FYB1: variants seen among roughly 807,000 people sequenced by gnomAD.
FYB1 encodes FYN binding protein 1, also known as FYN-binding protein 1.
Under a neutral mutation model 94.1 loss-of-function variants are expected in FYB1, and 41 were observed. The observed-to-expected ratio is 0.44, with a 90% CI of 0.34 to 0.57. The LOEUF (loss-of-function observed/expected upper bound fraction) is 0.57, where lower values mean the gene tolerates loss of function less well. Among genes scored for constraint, FYB1 ranks in the 20% least tolerant of loss-of-function variants. The probability of loss-of-function intolerance (pLI) is 0.02; values close to 1 mark genes in which losing one functional copy is unlikely to be tolerated. For missense variants in FYB1, 1,050 were observed against 976.8 expected (o/e 1.07, Z -1.00); for synonymous variants, 367 against 353.2 (o/e 1.04, Z -0.44).
intron 1 of FYB1, among the ~76,000 whole-genome samples, chr5:39,272,500 T>TA (rs33922266): frequency 2.8e-4 from 40 of 145,008 alleles, no homozygotes; most frequent in African/African-American, 7.1e-4. Context: ...CCGTCTCTAC[T>TA]AAAAAAAAAA....
chr5:39,245,467 T>C (rs543806122), intron 1 of FYB1, among the ~76,000 whole-genome samples: 7 of 152,312 alleles, frequency 4.6e-5, no homozygotes, highest in African/African-American at 1.7e-4. Flanking sequence ...TAGCTGAGAA[T>C]TCACTATTGT....
chr5:39,111,463 T>C (rs1416645505), intron 16 of FYB1, among the ~76,000 whole-genome samples: 3 of 151,922 alleles, frequency 2.0e-5, no homozygotes, highest in African/African-American at 7.2e-5. Context: ...ATTGATGTCA[T>C]ATTGCCAATG....
Position 39,126,866 on chromosome 5 carries a change from C to G in FYB1, c.1908-731G>C, listed in dbSNP as rs1320311682. On this transcript the variant is annotated intron_variant, in intron 11 of 18. Transcript: ENST00000512982. ...CCGAGATCAGAAGTTCGAGACCAGC[C>G]TGACCAACATGGAGAAAACCCGTCT... is the stretch of plus-strand genomic sequence containing the variant. Among the ~76,000 whole-genome samples the G allele has an allele frequency of 4.0e-5, 6 of 151,546 alleles. No homozygotes were observed. In the East Asian group the frequency reaches 9.7e-4, roughly 24 times the overall value.
chr5:39,122,527 G>C, intron 13 of FYB1, 125 bp from the exon 14 acceptor site: 1 of 566,896 alleles, frequency 1.8e-6, no homozygotes, highest in Non-Finnish European at 3.1e-6. Flanking sequence ...CTAGTGTCTC[G>C]GTAAATTTCT....
chr5:39,114,829 C>T (rs1234727457), intron 16 of FYB1, among the ~76,000 whole-genome samples: 2 of 152,240 alleles, frequency 1.3e-5, no homozygotes, highest in Non-Finnish European at 2.9e-5. Flanking sequence ...CATTGTGTAA[C>T]GTGCTGACAT....
intron 2 of FYB1, among the ~76,000 whole-genome samples, chr5:39,188,146 C>G (rs910052137): frequency 6.6e-6 from 1 of 152,098 alleles, no homozygotes. Flanking sequence ...CCTCAGGAAC[C>G]CTTGGACCTC....
intron 2 of FYB1, among the ~76,000 whole-genome samples, chr5:39,154,585 C>A (rs570100104): frequency 1.9e-3 from 287 of 151,568 alleles, no homozygotes; most frequent in African/African-American, 6.7e-3. Context: ...CGGCTCACTG[C>A]AACCTCTGCC....
intron 2 of FYB1, among the ~76,000 whole-genome samples, chr5:39,191,187 C>T (rs1453669637): frequency 2.6e-5 from 4 of 152,300 alleles, no homozygotes; most frequent in East Asian, 3.9e-4. Flanking sequence ...TGTAACTAAT[C>T]ATATCGCCAC....
At position 39,247,962 on chromosome 5, in the gene FYB1, C is replaced by A. The variant is rs78770566; in HGVS notation, c.-28+26441G>T. Among the ~76,000 whole-genome samples the A allele has an allele frequency of 1.2e-4, 18 of 150,922 alleles. No individual in the cohort carries two copies. The East Asian group carries it at 3.5e-3, about 29-fold the overall frequency. On this transcript the variant is annotated intron_variant, in intron 1 of 1. Coordinates refer to the FYB1 transcript ENST00000510188. ...TTCTTTGAGGTCTTAGGAATTTGCT[C>A]CAGCAGTTTAGAAAGAGTCAAAGCA...
At chr5:39,224,836 C>G (rs1187369783) in intron 1 of FYB1, among the ~76,000 whole-genome samples, 1 of 152,150 alleles carries the variant, frequency 6.6e-6, no homozygotes, top group Non-Finnish European at 1.5e-5. Context: ...CAACCTCTTT[C>G]CTCTAACCTG....
At chr5:39,139,098 A>G (rs1741917758) in intron 5 of FYB1, 135 bp downstream of exon 5, 2 of 943,620 alleles carry the variant, frequency 2.1e-6, no homozygotes, top group Non-Finnish European at 3.0e-6. Context: ...AGATGAAATA[A>G]GATTAGAAAT....
chr5:39,151,809 G>A (rs1047616667), intron 3 of FYB1, among the ~76,000 whole-genome samples: 2 of 152,180 alleles, frequency 1.3e-5, no homozygotes, highest in Non-Finnish European at 2.9e-5. Flanking sequence ...GGGAATGTTT[G>A]GGAAATACTC....
Position 39,202,721 on chromosome 5 carries a change from G to T in FYB1, c.240C>A (p.Pro80=). The change falls in exon 2 of 19, where the codon CCC becomes CCA. Residue 80 remains proline (P), a synonymous_variant. Transcript: ENST00000512982. ...CTGCTCCAGTGGGCTTTAGAAACGG[G>T]GGCTTGGGTTCCTTGTCAGGCTTTT... The part of the protein sequence containing the change: ...SEEKPDKEPK[P]PFLKPTGAGQ... 6.2e-7 allele frequency: 1 copy of T among 1,613,952 alleles called. No homozygotes were observed. Among genetic ancestry groups the T allele is most frequent in the Non-Finnish European group, 8.5e-7 (1 of 1,179,872 alleles).
At chr5:39,249,545 A>G (rs868026776) in intron 1 of FYB1, among the ~76,000 whole-genome samples, 3 of 152,180 alleles carry the variant, frequency 2.0e-5, no homozygotes, top group African/African-American at 7.2e-5. Flanking sequence ...ACATAATTAG[A>G]AAGACCATTC....
chr5:39,264,139 C>T (rs1407921763), intron 1 of FYB1, among the ~76,000 whole-genome samples: 3 of 152,182 alleles, frequency 2.0e-5, no homozygotes, highest in Non-Finnish European at 4.4e-5. Flanking sequence ...GCAGTTCAAT[C>T]CAACATTTGA....
At chr5:39,217,999 C>T (rs576355735) in intron 1 of FYB1, among the ~76,000 whole-genome samples, 2 of 152,348 alleles carry the variant, frequency 1.3e-5, no homozygotes, top group East Asian at 3.9e-4. Context: ...GCAGCCGTAA[C>T]TTGGCAAGGT....
intron 1 of FYB1, among the ~76,000 whole-genome samples, chr5:39,261,305 TAAA>T (rs34116289): frequency 2.5e-5 from 3 of 122,116 alleles, no homozygotes; most frequent in African/African-American, 6.0e-5. Flanking sequence ...AAAGTAGAAT[TAAA>T]AAAAAAAAAA....
chr5:39,234,940 T>C (rs1166964327), intron 1 of FYB1, among the ~76,000 whole-genome samples: 4 of 151,214 alleles, frequency 2.6e-5, no homozygotes, highest in Admixed American at 2.6e-4. Flanking sequence ...ACCTAATGCA[T>C]GCGGGCTTAA....
intron 1 of FYB1, 78 bp from the exon 2 acceptor site, chr5:39,203,065 G>C: frequency 1.5e-6 from 2 of 1,299,526 alleles, no homozygotes; most frequent in Non-Finnish European, 2.1e-6. Context: ...ACCTTACAGA[G>C]CTTCCTGGTT....
Sources: allele counts gnomAD v4.1 joint callset (sites outside exome capture counted in the v4.1 genomes callset), GRCh38; gene constraint gnomAD v4.1.1; transcripts MANE v1.5; gene names NCBI Gene and HGNC (gene_info 2026-07-23, HGNC 2026-07-21).